GSTCD: variants seen among roughly 807,000 people sequenced by gnomAD.
GSTCD encodes glutathione S-transferase C-terminal domain containing, also known as glutathione S-transferase C-terminal domain-containing protein.
In GSTCD, 44 loss-of-function variants were observed where a neutral mutation model predicts 68.3. The observed-to-expected ratio is 0.64, with a 90% CI of 0.51 to 0.83. GSTCD has a LOEUF of 0.83. Among genes scored for constraint, GSTCD ranks in the 40% least tolerant of loss-of-function variants. The pLI is 0.00. For synonymous variants in GSTCD, 273 were observed against 255.2 expected (o/e 1.07, Z -0.67); for missense variants, 739 against 735.9 (o/e 1.00, Z -0.05).
At chr4:105,788,238 A>G (rs1735538064) in intron 5 of GSTCD, among the ~76,000 whole-genome samples, 1 of 152,110 alleles carries the variant, frequency 6.6e-6, no homozygotes, top group Non-Finnish European at 1.5e-5. Flanking sequence ...AATATTTAGA[A>G]GTTATATTTC....
At chr4:105,789,077 T>C (rs902833517) in intron 5 of GSTCD, among the ~76,000 whole-genome samples, 6 of 152,184 alleles carry the variant, frequency 3.9e-5, no homozygotes, top group Non-Finnish European at 7.3e-5. Context: ...CTGTGAATTT[T>C]ATTATTAAGA....
chr4:105,750,772 C>T (rs939294845), intron 5 of GSTCD, among the ~76,000 whole-genome samples: 2 of 152,072 alleles, frequency 1.3e-5, no homozygotes, highest in Non-Finnish European at 2.9e-5. Context: ...GTGAGTAATT[C>T]TGGTATATAT....
rs185469602 is a variant in GSTCD at position 105,818,550 on chromosome 4, T to C, written c.1241-4404T>C. Among the ~76,000 whole-genome samples, 62 of 151,984 alleles carry C rather than the reference T, an allele frequency of 4.1e-4. 1 individual carries two copies. The highest frequency in any genetic ancestry group is 1.3e-3 in the Admixed American group (20 of 15,248). ...CCCAGATCATTTAAAGGCCTTGCTT[T>C]CTTGCCAAGACATCAATATTTTTTT... On this transcript the variant is annotated intron_variant, in intron 5 of 11. Coordinates refer to ENST00000515279, the MANE Select transcript of GSTCD (RefSeq NM_001370181.1).
intron 5 of GSTCD, among the ~76,000 whole-genome samples, chr4:105,749,172 A>G (rs565749755): frequency 2.9e-5 from 1 of 33,956 alleles, no homozygotes; most frequent in African/African-American, 6.1e-5. Context: ...AGGTTTAATT[A>G]GAAAAAAAGA....
At chr4:105,750,344 T>A (rs1578435314) in intron 5 of GSTCD, among the ~76,000 whole-genome samples, 1 of 151,066 alleles carries the variant, frequency 6.6e-6, no homozygotes, top group Admixed American at 6.6e-5. Context: ...CCTGTAATCC[T>A]AGCTACTCGG....
intron 5 of GSTCD, among the ~76,000 whole-genome samples, chr4:105,742,363 T>A (rs564074340): frequency 2.6e-5 from 4 of 152,230 alleles, no homozygotes; most frequent in African/African-American, 7.2e-5. Flanking sequence ...CTCCCCTTGC[T>A]AGTTGAAATT....
chr4:105,750,959 T>C (rs1231612026), intron 5 of GSTCD, among the ~76,000 whole-genome samples: 3 of 152,176 alleles, frequency 2.0e-5, no homozygotes, highest in South Asian at 2.1e-4. Flanking sequence ...AGATTGGGAA[T>C]AGATTAATAT....
intron 5 of GSTCD, among the ~76,000 whole-genome samples, chr4:105,822,462 A>G (rs1723349950): frequency 6.6e-6 from 1 of 152,146 alleles, no homozygotes; most frequent in Non-Finnish European, 1.5e-5. Context: ...TGCCAATTAA[A>G]CAATAAAAAT....
At chr4:105,781,350 G>T (rs909242187) in intron 5 of GSTCD, among the ~76,000 whole-genome samples, 1 of 151,930 alleles carries the variant, frequency 6.6e-6, no homozygotes, top group African/African-American at 2.4e-5. Flanking sequence ...CTGAGCTAAA[G>T]GGATCCTCCC....
chr4:105,742,982 C>G (rs2149220658), intron 5 of GSTCD, among the ~76,000 whole-genome samples: 1 of 149,156 alleles, frequency 6.7e-6, no homozygotes, highest in African/African-American at 2.5e-5. Flanking sequence ...CAGAGTCTTG[C>G]TCTGTTGCCC....
At position 105,847,555 on chromosome 4, in the gene GSTCD, C is replaced by G. The variant is rs1173465879; in HGVS notation, c.*1978C>G. ...ACTGGAATCAGATATAGAATATTCC[C>G]CTTAAATATTGTCAGGTAAACACAT... On this transcript the variant is annotated 3_prime_UTR_variant, in exon 12 of 12. Transcript: ENST00000515279. 1 of 152,034 alleles carries G rather than the reference C, an allele frequency of 6.6e-6. No homozygotes were observed. Among genetic ancestry groups the G allele is most frequent in the Non-Finnish European group, 1.5e-5 (1 of 67,986 alleles). 9.4% of individuals were successfully genotyped at this position (152,034 alleles called of 1,614,324 possible). A position where few individuals can be genotyped will look rare whatever the true frequency, so the allele number is the denominator to read the frequency against.
Position 105,752,736 on chromosome 4 carries a change from T to C in GSTCD, c.1240+23237T>C, listed in dbSNP as rs183880545. ...TATTTTAGAAATATTATGAGTTTAC[T>C]AGTAAGAAACTTCAAATTATCCATT... is the stretch of plus-strand genomic sequence containing the variant. On this transcript the variant is annotated intron_variant, in intron 5 of 11. Coordinates refer to ENST00000515279, the MANE Select transcript of GSTCD (RefSeq NM_001370181.1). 7.4e-3 allele frequency among the ~76,000 whole-genome samples: 1,127 copies of C among 152,210 alleles called. 5 individuals are homozygous for C. Among genetic ancestry groups the C allele is most frequent in the Middle Eastern group, 0.031 (9 of 294 alleles).
chr4:105,719,219 C>T lies in GSTCD; in HGVS notation c.586C>T (p.Arg196Cys), dbSNP rs751686166. 39 of 1,613,868 alleles carry T rather than the reference C, an allele frequency of 2.4e-5. No individual in the cohort carries two copies. The East Asian group carries it at 6.2e-4, about 26-fold the overall frequency. The change falls in exon 3 of 12, where the codon CGC becomes TGC. Residue 196 changes from arginine to cysteine, a missense_variant. Physicochemically the swap from Arg to Cys is radical, Grantham distance 180. Coordinates refer to ENST00000515279, the MANE Select transcript of GSTCD (RefSeq NM_001370181.1). ...PVRVHNDDKLRRQKLKQQKAD... is the reference protein window; with the variant it reads ...PVRVHNDDKLCRQKLKQQKAD... ...TAGAGTGCATAATGATGATAAACTCCGCAGGCAGAAGCTCAAGCAACAGAA... is the reference window on the plus strand; with the variant it reads ...TAGAGTGCATAATGATGATAAACTCTGCAGGCAGAAGCTCAAGCAACAGAA...
intron 3 of GSTCD, 119 bp downstream of exon 3, chr4:105,719,646 T>A (rs1732800606): frequency 1.4e-6 from 1 of 696,256 alleles, no homozygotes; most frequent in Non-Finnish European, 2.4e-6. Flanking sequence ...TATTAATATC[T>A]TTCTCCATTT....
At chr4:105,785,700 T>C (rs767031144) in intron 5 of GSTCD, among the ~76,000 whole-genome samples, 1 of 152,092 alleles carries the variant, frequency 6.6e-6, no homozygotes, top group Non-Finnish European at 1.5e-5. Flanking sequence ...AAAGGCTAAA[T>C]GTATTCTCCC....
intron 5 of GSTCD, among the ~76,000 whole-genome samples, chr4:105,755,462 AAAAACC>A (rs1247765087): frequency 6.6e-6 from 1 of 152,130 alleles, no homozygotes; most frequent in Non-Finnish European, 1.5e-5. Context: ...GAGATAGAGG[AAAAACC>A]AAAGTGTTTT....
At chr4:105,814,422 G>A (rs1339022368) in intron 5 of GSTCD, among the ~76,000 whole-genome samples, 1 of 152,098 alleles carries the variant, frequency 6.6e-6, no homozygotes, top group Non-Finnish European at 1.5e-5. Context: ...AGACCAGCCT[G>A]GCCAACATGG....
intron 5 of GSTCD, among the ~76,000 whole-genome samples, chr4:105,749,609 C>CAAAAA: frequency 8.8e-6 from 1 of 113,700 alleles, no homozygotes; most frequent in Non-Finnish European, 1.9e-5. Context: ...CATCCATAGG[C>CAAAAA]AAAAAAAAAA....
At chr4:105,840,131 A>C in intron 10 of GSTCD, 1 of 443,092 alleles carries the variant, frequency 2.3e-6, no homozygotes, top group Middle Eastern at 3.4e-4. Flanking sequence ...GAGAACATAC[A>C]CACAAATAAT....
Sources: allele counts gnomAD v4.1 joint callset (sites outside exome capture counted in the v4.1 genomes callset), GRCh38; gene constraint gnomAD v4.1.1; transcripts MANE v1.5; gene names NCBI Gene and HGNC (gene_info 2026-07-23, HGNC 2026-07-21).